The following RWDD3 variants were observed in gnomAD, a reference collection of about 807,000 sequenced individuals.
RWDD3 encodes the protein RWD domain-containing protein 3.
RWDD3 carries 30 observed loss-of-function variants against 26.5 expected under a neutral mutation model. That is an observed-to-expected ratio of 1.13 (90% CI 0.85 to 1.54). The LOEUF is 1.54. Among genes scored for constraint, RWDD3 ranks in the 40% most tolerant of loss-of-function variants. RWDD3 has a pLI of 0.00. For synonymous variants in RWDD3, 113 were observed against 114.5 expected (o/e 0.99, Z 0.09); for missense variants, 296 against 309.1 (o/e 0.96, Z 0.32).
Position 95,244,675 on chromosome 1 carries a change from C to G in RWDD3, c.550C>G (p.Gln184Glu), listed in dbSNP as rs201731120. ...GGGTAAAATAATACTGATTTTACTACAGGGAGACAGAAACAACCTCAAGGT... is the reference window on the plus strand; with the variant it reads ...GGGTAAAATAATACTGATTTTACTAGAGGGAGACAGAAACAACCTCAAGGT... ...FMGKIILILL[Q>E]GDRNNLKEYL... The change falls in exon 2 of 4, where the codon CAG becomes GAG. Residue 184 changes from glutamine to glutamate, a missense_variant. Gln to Glu is a conservative substitution (Grantham distance 29). Transcript: ENST00000370202. The G allele has an allele frequency of 9.9e-5, 159 of 1,613,082 alleles. No individual in the cohort carries two copies. The highest frequency in any genetic ancestry group is 2.3e-4 in the Admixed American group (14 of 59,890).
intron 1 of RWDD3, chr1:95,239,732 T>C: frequency 8.2e-7 from 1 of 1,221,726 alleles, no homozygotes; most frequent in East Asian, 5.7e-5. Flanking sequence ...TTTTCTAAGG[T>C]GAAAGTCAGG....
chr1:95,235,967 G>C (rs924603974), intron 1 of RWDD3, among the ~76,000 whole-genome samples: 1 of 152,056 alleles, frequency 6.6e-6, no homozygotes, highest in Non-Finnish European at 1.5e-5. Context: ...GAGATTTATC[G>C]TTCTAATGTT....
intron 1 of RWDD3, chr1:95,240,011 C>T (rs954210534): frequency 1.7e-5 from 18 of 1,055,904 alleles, no homozygotes; most frequent in African/African-American, 8.3e-5. Context: ...TGCTTCAGTG[C>T]GGATACATTG....
At chr1:95,236,491 C>T (rs1680364727) in intron 1 of RWDD3, among the ~76,000 whole-genome samples, 1 of 152,242 alleles carries the variant, frequency 6.6e-6, no homozygotes, top group Admixed American at 6.5e-5. Context: ...CACATCCACT[C>T]ATTGGGCACT....
In RWDD3 at chr1:95,244,211, A is replaced by G. The variant is rs781468439; in HGVS notation, c.86A>G (p.Glu29Gly). 2.5e-6 allele frequency: 4 copies of G among 1,612,298 alleles called. No homozygotes were observed. Among genetic ancestry groups the G allele is most frequent in the Middle Eastern group, 1.7e-4 (1 of 6,056 alleles). ...PHEWEVLSRS[E>G]TDGTVFRIHT... ...ATGATTATTTTTGGATGCCTTCCAG[A>G]GACAGATGGGACCGTGTTCAGAATT... Residue 29 changes from glutamate (E) to glycine (G), a missense_variant and splice_region_variant, in exon 2 of 4, where the codon GAG becomes GGG. Physicochemically the swap from Glu to Gly is moderately conservative, Grantham distance 98. Coordinates refer to ENST00000370202, the MANE Select transcript of RWDD3 (RefSeq NM_015485.5).
intron 1 of RWDD3, among the ~76,000 whole-genome samples, chr1:95,236,960 CT>C (rs1048124669): frequency 3.3e-5 from 5 of 152,138 alleles, no homozygotes; most frequent in African/African-American, 1.2e-4. Flanking sequence ...CCTTTATCTG[CT>C]GTTAAATTGA....
In RWDD3 at chr1:95,234,274, T is replaced by G; in HGVS notation, c.44T>G (p.Ile15Ser). 1 of 1,599,480 alleles carries G rather than the reference T, an allele frequency of 6.3e-7. No homozygotes were observed. The highest frequency in any genetic ancestry group is 8.5e-7 in the Non-Finnish European group (1 of 1,173,542). The change falls in exon 1 of 4, where the codon ATT (isoleucine) becomes AGT (serine). Residue 15 changes from isoleucine to serine, a missense_variant. Transcript: ENST00000370202. ...VQEELSVLAA[I>S]FCRPHEWEVL... Reference sequence around the variant, plus strand: ...GAGGAGCTCTCGGTCCTGGCCGCGATTTTCTGCAGGCCCCACGAGTGGGAG... The same window carrying G: ...GAGGAGCTCTCGGTCCTGGCCGCGAGTTTCTGCAGGCCCCACGAGTGGGAG...
At chr1:95,242,436 G>A (rs192470865) in intron 1 of RWDD3, among the ~76,000 whole-genome samples, 4 of 152,120 alleles carry the variant, frequency 2.6e-5, no homozygotes, top group African/African-American at 9.7e-5. Flanking sequence ...AATGATTGAA[G>A]ATCTTTAAAA....
At chr1:95,234,556 C>T (rs1254867025) in intron 1 of RWDD3, among the ~76,000 whole-genome samples, 1 of 152,072 alleles carries the variant, frequency 6.6e-6, no homozygotes, top group African/African-American at 2.4e-5. Flanking sequence ...GCCGCCGGTC[C>T]CGCTCCCGGA....
Position 95,234,322 on chromosome 1 carries a change from A to G in RWDD3, c.85+7A>G, listed in dbSNP as rs779189549. ...GAGGTGCTGAGCCGCTCAGGTGACT[A>G]CCCGCGCGCGGGAGGGACAGGGCGC... is the stretch of plus-strand genomic sequence containing the variant. On this transcript the variant is annotated splice_region_variant and intron_variant, in intron 1 of 3. Transcript: ENST00000370202. The G allele has an allele frequency of 6.3e-7, 1 of 1,584,984 alleles. No individual in the cohort carries two copies. Among genetic ancestry groups the G allele is most frequent in the Non-Finnish European group, 8.6e-7 (1 of 1,165,672 alleles).
At chr1:95,238,758 A>G (rs369432019) in intron 1 of RWDD3, among the ~76,000 whole-genome samples, 1 of 152,192 alleles carries the variant, frequency 6.6e-6, no homozygotes, top group African/African-American at 2.4e-5. Flanking sequence ...ATTTGACTGC[A>G]TTTATAGAGT....
intron 1 of RWDD3, chr1:95,243,483 A>G (rs259359): frequency 0.9 from 137,097 of 152,270 alleles, 61,897 homozygotes; most frequent in East Asian, 1. Context: ...GAAAAGTGGC[A>G]TGAAGTGGTG....
In RWDD3 at chr1:95,246,801, A is replaced by G. The variant is rs1373469798; in HGVS notation, c.735A>G (p.Leu245=). Residue 245 remains leucine (L), a synonymous_variant, in exon 4 of 4, where the codon TTA becomes TTG. Transcript: ENST00000370202. ...EVKEYSALDE[L]QKEFETAGLK... is the part of the protein sequence containing the mutation. Reference sequence around the variant, plus strand: ...AAGAGTATTCAGCGTTGGATGAATTACAAAAGGAATTTGAAACTGCAGGAC... The same window carrying G: ...AAGAGTATTCAGCGTTGGATGAATTGCAAAAGGAATTTGAAACTGCAGGAC... 5 of 1,571,542 alleles carry G rather than the reference A, an allele frequency of 3.2e-6. No homozygotes were observed. Among genetic ancestry groups the G allele is most frequent in the Non-Finnish European group, 4.3e-6 (5 of 1,162,928 alleles).
chr1:95,242,640 C>T (rs1453347326), intron 1 of RWDD3, among the ~76,000 whole-genome samples: 1 of 151,972 alleles, frequency 6.6e-6, no homozygotes, highest in Non-Finnish European at 1.5e-5. Context: ...GTAGTTAGGC[C>T]GGGTGCGGTG....
Position 95,246,653 on chromosome 1 carries a change from A to C in RWDD3, c.685A>C (p.Lys229Gln). The C allele has an allele frequency of 1.3e-6, 2 of 1,599,208 alleles. No individual in the cohort carries two copies. Among genetic ancestry groups the C allele is most frequent in the Non-Finnish European group, 1.7e-6 (2 of 1,168,460 alleles). Reference protein sequence around the residue: ...LFETKVQTEHKRFLAFEVKEY... With the variant: ...LFETKVQTEHQRFLAFEVKEY... ...TGAAACAAAAGTACAGACAGAACAC[A>C]AAAGGTATAATTTAGTACTATTGCA... Residue 229 changes from lysine to glutamine, a missense_variant, in exon 3 of 4, where the codon AAA (lysine) becomes CAA (glutamine). Transcript: ENST00000370202.
intron 1 of RWDD3, among the ~76,000 whole-genome samples, chr1:95,242,919 A>G (rs924246378): frequency 4.8e-5 from 7 of 146,186 alleles, no homozygotes; most frequent in African/African-American, 1.8e-4. Flanking sequence ...ATTGTGTCTC[A>G]AAAAAAAAAA....
chr1:95,237,283 G>A (rs948353353), intron 1 of RWDD3: 2 of 152,104 alleles, frequency 1.3e-5, no homozygotes, highest in Non-Finnish European at 1.5e-5. Flanking sequence ...GTTTGGGTTG[G>A]AGGATACACA....
intron 2 of RWDD3, chr1:95,246,251 A>G: frequency 4.2e-6 from 1 of 235,532 alleles, no homozygotes; most frequent in Non-Finnish European, 8.2e-6. Flanking sequence ...TTTATGGAGA[A>G]GGCAACTGAG....
At chr1:95,239,530 G>T (rs1305965346) in intron 1 of RWDD3, among the ~76,000 whole-genome samples, 1 of 152,146 alleles carries the variant, frequency 6.6e-6, no homozygotes, top group African/African-American at 2.4e-5. Context: ...AATGGAGTAT[G>T]TTATTGGGCT....
Sources: gnomAD v4.1 joint callset for allele counts (sites outside exome capture counted in the v4.1 genomes callset) on GRCh38, gnomAD v4.1.1 for gene constraint, MANE v1.5 for transcripts, NCBI Gene and HGNC (gene_info 2026-07-23, HGNC 2026-07-21) for gene names.